SCAI: variants seen among roughly 807,000 people sequenced by gnomAD.
The protein encoded by SCAI is protein SCAI.
SCAI carries 24 observed loss-of-function variants against 92.2 expected under a neutral mutation model. The observed-to-expected ratio is 0.26, with a 90% CI of 0.19 to 0.37. SCAI has a LOEUF of 0.37. Ranked by LOEUF, SCAI falls within the 10% of genes least tolerant of loss-of-function variation. The pLI, the probability that SCAI is intolerant of heterozygous loss-of-function variation, is 1.00. For missense variants in SCAI, 450 were observed against 736.2 expected (o/e 0.61, Z 4.50); for synonymous variants, 261 against 258.6 (o/e 1.01, Z -0.09).
At chr9:125,100,162 T>A (rs1235291256) in intron 2 of SCAI, among the ~76,000 whole-genome samples, 1 of 152,266 alleles carries the variant, frequency 6.6e-6, no homozygotes, top group Non-Finnish European at 1.5e-5. Flanking sequence ...TCTACAGATC[T>A]ATGAGAAGTA....
chr9:125,034,726 C>T (rs1262073772), intron 3 of SCAI, among the ~76,000 whole-genome samples: 2 of 152,002 alleles, frequency 1.3e-5, no homozygotes, highest in Non-Finnish European at 2.9e-5. Context: ...CTAGCATGGG[C>T]AACATAGCAA....
intron 2 of SCAI, among the ~76,000 whole-genome samples, chr9:125,130,558 G>A (rs1835376802): frequency 1.3e-5 from 2 of 151,942 alleles, no homozygotes; most frequent in African/African-American, 4.8e-5. Flanking sequence ...TCTGTTGCCA[G>A]GCTGGAGTGC....
Position 125,099,858 on chromosome 9 carries a change from G to A in SCAI, c.98+42775C>T, listed in dbSNP as rs554894344. On this transcript the variant is annotated intron_variant, in intron 2 of 17. Coordinates refer to ENST00000336505, the MANE Select transcript of SCAI (RefSeq NM_001144877.3). ...AACGTTCATCCATGTTGTAGCATGT[G>A]TCAGAATTTCATTGCTTTTTATAGC... Among the ~76,000 whole-genome samples, 12 of 152,332 alleles carry A rather than the reference G, an allele frequency of 7.9e-5. No homozygotes were observed. In the South Asian group the frequency reaches 2.5e-3, roughly 32 times the overall value.
intron 2 of SCAI, among the ~76,000 whole-genome samples, chr9:125,111,702 T>C (rs903948055): frequency 6.6e-6 from 1 of 152,050 alleles, no homozygotes; most frequent in Admixed American, 6.6e-5. Flanking sequence ...TTCAAGACAT[T>C]GGACATTAGG....
intron 5 of SCAI, 42 bp downstream of exon 5, chr9:125,028,350 A>C (rs551340680): frequency 9.0e-7 from 1 of 1,113,238 alleles, no homozygotes; most frequent in East Asian, 2.4e-5. Context: ...GCTGTGTTTT[A>C]ATCAGACAAC....
Position 124,944,491 on chromosome 9 carries a change from T to TTTTTTTTTTTA in SCAI, c.*8315_*8316insTAAAAAAAAAA, listed in dbSNP as rs1831111384. 1 of 150,050 alleles carries TTTTTTTTTTTA rather than the reference T, an allele frequency of 6.7e-6. No individual in the cohort carries two copies. Among genetic ancestry groups the TTTTTTTTTTTA allele is most frequent in the Non-Finnish European group, 1.5e-5 (1 of 68,898 alleles). 9.3% of individuals were successfully genotyped at this position (150,050 alleles called of 1,614,324 possible). On this transcript the variant is annotated 3_prime_UTR_variant, in exon 18 of 18. Transcript: ENST00000336505. ...ATTTTTTTTTTTTTTTTTTTTTTTT[T>TTTTTTTTTTTA]GTATTTTAGTAGCGACAGGGTTTCA...
chr9:125,006,879 G>A (rs1832521763), intron 9 of SCAI, among the ~76,000 whole-genome samples: 1 of 152,142 alleles, frequency 6.6e-6, no homozygotes, highest in East Asian at 1.9e-4. Flanking sequence ...AGCACTTTGG[G>A]AGACTGAGGC....
chr9:125,138,824 C>T (rs981719696), intron 2 of SCAI, among the ~76,000 whole-genome samples: 6 of 152,186 alleles, frequency 3.9e-5, no homozygotes, highest in South Asian at 2.1e-4. Flanking sequence ...GCTGGGATTA[C>T]GGGCGTGAGC....
chr9:124,989,057 T>C (rs1011776360), intron 14 of SCAI, among the ~76,000 whole-genome samples: 2 of 152,144 alleles, frequency 1.3e-5, no homozygotes, highest in African/African-American at 4.8e-5. Flanking sequence ...GAGAATCTCC[T>C]GAACCTGGGT....
At chr9:124,978,677 G>A (rs1410157207) in intron 14 of SCAI, among the ~76,000 whole-genome samples, 4 of 151,990 alleles carry the variant, frequency 2.6e-5, no homozygotes, top group Non-Finnish European at 4.4e-5. Context: ...ATAAAATAAC[G>A]TAAGTATTAA....
intron 3 of SCAI, among the ~76,000 whole-genome samples, chr9:125,038,053 C>T (rs1265829307): frequency 6.6e-6 from 1 of 151,918 alleles, no homozygotes; most frequent in East Asian, 1.9e-4. Context: ...GCCCGGAGTT[C>T]GAGACCAGCC....
At chr9:124,980,993 T>C (rs1295173580) in intron 14 of SCAI, among the ~76,000 whole-genome samples, 2 of 152,218 alleles carry the variant, frequency 1.3e-5, no homozygotes, top group Non-Finnish European at 2.9e-5. Flanking sequence ...TCTGATCTAT[T>C]CATTAATTAA....
chr9:124,978,346 C>G (rs1479632663), intron 14 of SCAI, among the ~76,000 whole-genome samples: 1 of 152,178 alleles, frequency 6.6e-6, no homozygotes, highest in African/African-American at 2.4e-5. Flanking sequence ...GAAGCTGAGG[C>G]AGGAGAGTCA....
intron 12 of SCAI, among the ~76,000 whole-genome samples, chr9:125,000,757 C>T (rs1349978652): frequency 6.6e-6 from 1 of 151,670 alleles, no homozygotes; most frequent in Admixed American, 6.6e-5. Flanking sequence ...TTCACAAAAA[C>T]TTCACCTTTA....
Position 124,971,701 on chromosome 9 carries a change from C to T in SCAI, c.1543G>A (p.Ala515Thr). Residue 515 changes from alanine to threonine, a missense_variant, in exon 16 of 18, where the codon GCC becomes ACC. By Grantham distance (58) the Ala-to-Thr change is moderately conservative. Transcript: ENST00000336505. ...GAACGTGAATGAGTCAGTAGCTGGG[C>T]AATATCACGGTTGATTTTTCGAAGA... Reference protein sequence around the residue: ...EYLRKINRDIAQLLTHSRSID... With the variant: ...EYLRKINRDITQLLTHSRSID... The T allele has an allele frequency of 6.2e-7, 1 of 1,609,404 alleles. No homozygotes were observed. The highest frequency in any genetic ancestry group is 8.5e-7 in the Non-Finnish European group (1 of 1,178,542).
intron 2 of SCAI, among the ~76,000 whole-genome samples, chr9:125,059,164 G>C (rs1201395780): frequency 6.6e-6 from 1 of 152,182 alleles, no homozygotes; most frequent in African/African-American, 2.4e-5. Context: ...TTAGTAATCA[G>C]ACAAATCAAA....
At chr9:125,054,945 T>A (rs1359036240) in intron 3 of SCAI, among the ~76,000 whole-genome samples, 3 of 152,128 alleles carry the variant, frequency 2.0e-5, no homozygotes, top group African/African-American at 7.2e-5. Flanking sequence ...GTGGTGAGTG[T>A]CATGAAGCAA....
chr9:125,001,974 C>G lies in SCAI; in HGVS notation c.1135G>C (p.Asp379His). Residue 379 changes from aspartate (D) to histidine (H), a missense_variant, in exon 12 of 18, where the codon GAT becomes CAT. Asp to His is a moderately conservative substitution (Grantham distance 81). Transcript: ENST00000336505. ...CATTCCTTTATTGTACCTTCACTAT[C>G]AGAACGACCTGTGGGGAAAACGCCA... ...ATGVFPTGRS[D>H]SEGPYDFGGV... The G allele has an allele frequency of 6.2e-7, 1 of 1,611,058 alleles. No individual in the cohort carries two copies. The highest frequency in any genetic ancestry group is 1.3e-5 in the African/African-American group (1 of 74,974).
chr9:124,978,199 TG>T (rs1310943507), intron 14 of SCAI, among the ~76,000 whole-genome samples: 1 of 152,176 alleles, frequency 6.6e-6, no homozygotes, highest in Non-Finnish European at 1.5e-5. Context: ...CCCAGCACTT[TG>T]GGAGGCAGAG....
Sources: gnomAD v4.1 joint callset for allele counts (sites outside exome capture counted in the v4.1 genomes callset) on GRCh38, gnomAD v4.1.1 for gene constraint, MANE v1.5 for transcripts, NCBI Gene and HGNC (gene_info 2026-07-23, HGNC 2026-07-21) for gene names.